EHMT1: variants seen among roughly 807,000 people sequenced by gnomAD.
The protein encoded by EHMT1 is histone-lysine N-methyltransferase EHMT1.
A neutral mutation model predicts 147.2 loss-of-function variants in EHMT1; 15 were observed. The observed-to-expected ratio is 0.10, with a 90% confidence interval of 0.07 to 0.16. EHMT1 has a LOEUF of 0.16. Among genes scored for constraint, EHMT1 ranks in the 10% least tolerant of loss-of-function variants. The pLI is 1.00. For missense variants in EHMT1, 1,587 were observed against 1,772.4 expected, an observed-to-expected ratio of 0.90 and a Z score of 1.88; for synonymous variants, 795 against 709.6, an observed-to-expected ratio of 1.12 and a Z score of -1.91.
intron 1 of EHMT1, among the ~76,000 whole-genome samples, chr9:137,648,435 G>C (rs1845062514): frequency 6.6e-6 from 1 of 150,630 alleles, no homozygotes; most frequent in African/African-American, 2.5e-5. Context: ...TGGGAGGACT[G>C]CTTGGGCCCA....
At chr9:137,725,428 C>T (rs373052329) in intron 3 of EHMT1, among the ~76,000 whole-genome samples, 30 of 152,044 alleles carry the variant, frequency 2.0e-4, no homozygotes, top group African/African-American at 6.5e-4. Context: ...ATTCATCCCT[C>T]GGGGAAAAAG....
chr9:137,633,300 T>C (rs1843744725), intron 1 of EHMT1, among the ~76,000 whole-genome samples: 1 of 151,376 alleles, frequency 6.6e-6, no homozygotes, highest in South Asian at 2.1e-4. Flanking sequence ...TTGACAAAGA[T>C]CAAAATATAA....
At chr9:137,634,945 C>G (rs1436360420) in intron 1 of EHMT1, among the ~76,000 whole-genome samples, 5 of 138,738 alleles carry the variant, frequency 3.6e-5, no homozygotes, top group Non-Finnish European at 7.6e-5. Context: ...TGGTCTCGAT[C>G]TCCTGACCTC....
chr9:137,626,529 C>CAA (rs201748680), intron 1 of EHMT1, among the ~76,000 whole-genome samples: 2 of 80,728 alleles, frequency 2.5e-5, no homozygotes, highest in Non-Finnish European at 2.7e-5. Flanking sequence ...TGTCTCTAAC[C>CAA]AAAAAAAAAA....
rs1033923253 is a variant in EHMT1, at chr9:137,774,812, A to C, written c.1648-297A>C. 5.3e-5 allele frequency among the ~76,000 whole-genome samples: 8 copies of C among 151,572 alleles called. No homozygotes were observed. In the East Asian group the frequency reaches 1.6e-3, roughly 30 times the overall value. Reference sequence around the variant, plus strand: ...GGTGTGGGCACGCCTGGCCCCCTGGATCTGGTGGGTGTGGTCGCGCCTGGC... The same window carrying C: ...GGTGTGGGCACGCCTGGCCCCCTGGCTCTGGTGGGTGTGGTCGCGCCTGGC... On this transcript the variant is annotated intron_variant, in intron 10 of 26. Transcript: ENST00000460843.
chr9:137,700,032 G>A (rs532033337), intron 1 of EHMT1, among the ~76,000 whole-genome samples: 1 of 152,284 alleles, frequency 6.6e-6, no homozygotes, highest in African/African-American at 2.4e-5. Flanking sequence ...TTTCAGTTAC[G>A]TAAATGTATA....
At chr9:137,798,021 T>C (rs554715086) in intron 16 of EHMT1, among the ~76,000 whole-genome samples, 1 of 152,248 alleles carries the variant, frequency 6.6e-6, no homozygotes, top group African/African-American at 2.4e-5. Context: ...TCCTTTGAGA[T>C]GGTTTGATAG....
intron 15 of EHMT1, among the ~76,000 whole-genome samples, chr9:137,790,202 G>C (rs1432136784): frequency 6.6e-6 from 1 of 152,086 alleles, no homozygotes; most frequent in African/African-American, 2.4e-5. Flanking sequence ...TTAAATACTA[G>C]GTCTTTGTCA....
chr9:137,635,450 C>T (rs969265910), intron 1 of EHMT1, among the ~76,000 whole-genome samples: 2 of 151,522 alleles, frequency 1.3e-5, no homozygotes, highest in Non-Finnish European at 2.9e-5. Context: ...CTTCTGACCT[C>T]GTGATTCGCC....
chr9:137,760,860 T>C (rs923998485), intron 9 of EHMT1, among the ~76,000 whole-genome samples: 1 of 152,066 alleles, frequency 6.6e-6, no homozygotes, highest in Admixed American at 6.5e-5. Context: ...TACAAAAAAT[T>C]AGCCAGGCGT....
chr9:137,812,799 A>G (rs543781373), intron 19 of EHMT1, among the ~76,000 whole-genome samples: 12 of 152,250 alleles, frequency 7.9e-5, no homozygotes, highest in Non-Finnish European at 1.6e-4. Context: ...TTGACAGTGA[A>G]TGTGGGAGAG....
intron 25 of EHMT1, among the ~76,000 whole-genome samples, chr9:137,823,248 A>G (rs28818859): frequency 0.15 from 21,603 of 144,654 alleles, 4,923 homozygotes; most frequent in African/African-American, 0.5. Context: ...ACAGGCGCCC[A>G]CCACCACGCC....
At chr9:137,806,692 C>CGA (rs34430244) in intron 18 of EHMT1, among the ~76,000 whole-genome samples, 1 of 152,248 alleles carries the variant, frequency 6.6e-6, no homozygotes, top group African/African-American at 2.4e-5. Context: ...CTCGGACTCC[C>CGA]AAAGTGCTGG....
At chr9:137,760,941 A>G (rs539016966) in intron 9 of EHMT1, among the ~76,000 whole-genome samples, 2 of 152,342 alleles carry the variant, frequency 1.3e-5, no homozygotes, top group South Asian at 4.1e-4. Flanking sequence ...CTGGGGGCAG[A>G]GCTTGCAGTG....
Position 137,745,397 on chromosome 9 carries a change from C to A in EHMT1, c.1170+1307C>A. On this transcript the variant is annotated intron_variant, in intron 6 of 26. Coordinates refer to ENST00000460843, the MANE Select transcript of EHMT1 (RefSeq NM_024757.5). ...ATTTAAAAATTCGTTGGAAATATTA[C>A]CATTAGATATTTAAAGAGGATTTAA... 5 of 395,674 alleles carry A rather than the reference C, an allele frequency of 1.3e-5. 1 individual carries two copies. Among genetic ancestry groups the A allele is most frequent in the African/African-American group, 1.0e-4 (5 of 48,634 alleles). The allele number at this position is 395,674 out of a possible 1,614,324, so 24.5% of individuals were successfully genotyped here.
intron 25 of EHMT1, 38 bp from the exon 26 acceptor site, chr9:137,834,311 T>A: frequency 6.2e-7 from 1 of 1,610,520 alleles, no homozygotes; most frequent in Non-Finnish European, 8.5e-7. Context: ...TGTCGGGGCC[T>A]TGCTAACTGC....
At chr9:137,619,763 C>G (rs993683499) in intron 1 of EHMT1, among the ~76,000 whole-genome samples, 3 of 152,064 alleles carry the variant, frequency 2.0e-5, no homozygotes, top group African/African-American at 7.2e-5. Context: ...TGCTCATTCT[C>G]AAGGATAGTT....
chr9:137,653,631 C>T lies in EHMT1; in HGVS notation c.21+34582C>T, dbSNP rs146489649. Among the ~76,000 whole-genome samples, 724 of 152,128 alleles carry T rather than the reference C, an allele frequency of 4.8e-3. 7 individuals carry two copies. The highest frequency in any genetic ancestry group is 0.016 in the African/African-American group (651 of 41,476). On this transcript the variant is annotated intron_variant, in intron 1 of 26. Transcript: ENST00000460843. ...GCAACCTCTGCCTCCCAGTTTCAAG[C>T]GATTCTCCTGCCTCAGCCTCCCGAG...
At chr9:137,651,799 A>AG (rs899604989) in intron 1 of EHMT1, among the ~76,000 whole-genome samples, 1 of 152,152 alleles carries the variant, frequency 6.6e-6, no homozygotes, top group Non-Finnish European at 1.5e-5. Context: ...TCTCAAGAAA[A>AG]GAAAAAAAAA....
Sources: gnomAD v4.1 joint callset for allele counts (sites outside exome capture counted in the v4.1 genomes callset) on GRCh38, gnomAD v4.1.1 for gene constraint, MANE v1.5 for transcripts, NCBI Gene and HGNC (gene_info 2026-07-23, HGNC 2026-07-21) for gene names.